Variants in THRB observed in about 807,000 individuals in gnomAD.
THRB encodes nuclear receptor subfamily 1 group A member 2.
Under a neutral mutation model 47.8 loss-of-function variants are expected in THRB, and 12 were observed. The ratio of observed to expected loss-of-function variants is 0.25; its 90% CI spans 0.16 to 0.41. The LOEUF is 0.41. Ranked by LOEUF, THRB falls within the 10% of genes least tolerant of loss-of-function variation. THRB has a pLI of 1.00. For synonymous variants in THRB, 218 were observed against 212.2 expected (o/e 1.03, Z -0.24); for missense variants, 348 against 589.2 (o/e 0.59, Z 4.24).
At chr3:24,472,760 C>T (rs1479593898) in intron 1 of THRB, among the ~76,000 whole-genome samples, 2 of 152,206 alleles carry the variant, frequency 1.3e-5, no homozygotes, top group African/African-American at 4.8e-5. Flanking sequence ...TTCAGACCTT[C>T]TCTCACAGAC....
intron 1 of THRB, among the ~76,000 whole-genome samples, chr3:24,455,831 A>G (rs2073117958): frequency 6.6e-6 from 1 of 152,190 alleles, no homozygotes; most frequent in Non-Finnish European, 1.5e-5. Context: ...CAAGAAATGC[A>G]TGTGTCCATG....
chr3:24,183,368 C>CTTTTTTTTTTTTTTTTTTT (rs1193344905), intron 5 of THRB, among the ~76,000 whole-genome samples: 1 of 84,272 alleles, frequency 1.2e-5, no homozygotes, highest in African/African-American at 4.1e-5. Flanking sequence ...TTTTTCTTTT[C>CTTTTTTTTTTTTTTTTTTT]TTTTTTTTTT....
intron 1 of THRB, among the ~76,000 whole-genome samples, chr3:24,407,792 C>G (rs2067950624): frequency 6.6e-6 from 1 of 151,860 alleles, no homozygotes; most frequent in South Asian, 2.1e-4. Context: ...TTACTTTTCT[C>G]TTTACTCTTG....
chr3:24,146,951 T>C, intron 6 of THRB, 129 bp from the exon 7 acceptor site: 1 of 747,048 alleles, frequency 1.3e-6, no homozygotes, highest in East Asian at 2.6e-5. Flanking sequence ...GGCCTCTAGC[T>C]CCACATATTC....
chr3:24,412,956 A>C (rs568610488), intron 1 of THRB, among the ~76,000 whole-genome samples: 1 of 151,940 alleles, frequency 6.6e-6, no homozygotes, highest in African/African-American at 2.4e-5. Context: ...AATTTAAATA[A>C]TATACCATTT....
At chr3:24,477,940 T>C (rs1695740507) in intron 1 of THRB, among the ~76,000 whole-genome samples, 1 of 150,156 alleles carries the variant, frequency 6.7e-6, no homozygotes, top group Non-Finnish European at 1.5e-5. Context: ...CAGAAACTGG[T>C]TACAGAAAAC....
intron 1 of THRB, among the ~76,000 whole-genome samples, chr3:24,369,951 G>A (rs757190122): frequency 9.9e-5 from 15 of 152,148 alleles, no homozygotes; most frequent in South Asian, 2.1e-4. Context: ...CCATGTTTTA[G>A]AGCTGACTAC....
chr3:24,280,998 G>C (rs1490664449), intron 3 of THRB, among the ~76,000 whole-genome samples: 4 of 152,294 alleles, frequency 2.6e-5, no homozygotes, highest in African/African-American at 9.6e-5. Context: ...ATGGAACCAA[G>C]TTGGAAAACA....
intron 1 of THRB, among the ~76,000 whole-genome samples, chr3:24,351,678 A>G (rs766530312): frequency 6.8e-6 from 1 of 147,460 alleles, no homozygotes; most frequent in Non-Finnish European, 1.5e-5. Flanking sequence ...AAAGTCACAC[A>G]GTAAATCAGT....
Position 24,489,238 on chromosome 3 carries a change from C to A in THRB, c.-261+5414G>T, listed in dbSNP as rs546813547. 2.0e-5 allele frequency among the ~76,000 whole-genome samples: 3 copies of A among 147,692 alleles called. No homozygotes were observed. In the East Asian group the frequency reaches 6.3e-4, roughly 31 times the overall value. ...GCCTGGCAACAGAGCAAGACTCTGT[C>A]GCAAAAAAAAAATAAGAAAAAAAAA... On this transcript the variant is annotated intron_variant, in intron 1 of 10. Coordinates refer to ENST00000646209, the MANE Select transcript of THRB (RefSeq NM_001354712.2).
intron 1 of THRB, chr3:24,457,887 A>G (rs1301436093): frequency 6.6e-6 from 1 of 152,162 alleles, no homozygotes; most frequent in African/African-American, 2.4e-5. Flanking sequence ...TTTGAAGGCT[A>G]TAGGAGCTCT....
intron 4 of THRB, among the ~76,000 whole-genome samples, chr3:24,202,974 T>C (rs1370041997): frequency 6.6e-6 from 1 of 152,232 alleles, no homozygotes; most frequent in Non-Finnish European, 1.5e-5. Context: ...TCAACTGGCC[T>C]GATGGCAAAT....
chr3:24,222,487 C>A (rs1157063832), intron 4 of THRB, among the ~76,000 whole-genome samples: 1 of 152,010 alleles, frequency 6.6e-6, no homozygotes, highest in Non-Finnish European at 1.5e-5. Context: ...GCAGTGTGTA[C>A]AGCCGACTCA....
intron 2 of THRB, among the ~76,000 whole-genome samples, chr3:24,316,314 C>T (rs1417510445): frequency 6.6e-6 from 1 of 152,198 alleles, no homozygotes; most frequent in African/African-American, 2.4e-5. Flanking sequence ...AACATTTCAT[C>T]ATAATATATT....
intron 5 of THRB, among the ~76,000 whole-genome samples, chr3:24,185,949 G>C (rs1247397460): frequency 6.6e-6 from 1 of 152,190 alleles, no homozygotes; most frequent in Non-Finnish European, 1.5e-5. Flanking sequence ...TCTGTTATTA[G>C]GCAGTGACTA....
intron 9 of THRB, among the ~76,000 whole-genome samples, chr3:24,132,064 G>A (rs1472036190): frequency 2.0e-5 from 3 of 152,170 alleles, no homozygotes; most frequent in Non-Finnish European, 4.4e-5. Flanking sequence ...TGAGGTCTCT[G>A]TGTCCCTCTG....
chr3:24,380,855 G>A (rs1215258347), intron 1 of THRB, among the ~76,000 whole-genome samples: 2 of 152,090 alleles, frequency 1.3e-5, no homozygotes, highest in African/African-American at 4.8e-5. Flanking sequence ...GGTGGCTCAC[G>A]CCTGTAATCC....
chr3:24,181,503 T>C (rs1453275672), intron 5 of THRB, among the ~76,000 whole-genome samples: 1 of 152,230 alleles, frequency 6.6e-6, no homozygotes, highest in African/African-American at 2.4e-5. Flanking sequence ...GGTGAGGCCT[T>C]TGGGGATATC....
At chr3:24,486,195 C>T (rs190559742) in intron 1 of THRB, among the ~76,000 whole-genome samples, 5 of 152,070 alleles carry the variant, frequency 3.3e-5, no homozygotes, top group Non-Finnish European at 4.4e-5. Flanking sequence ...GTAATATATA[C>T]GACAGCCCTC....
Sources: allele counts gnomAD v4.1 joint callset (sites outside exome capture counted in the v4.1 genomes callset), GRCh38; gene constraint gnomAD v4.1.1; transcripts MANE v1.5; gene names NCBI Gene and HGNC (gene_info 2026-07-23, HGNC 2026-07-21).